VWF: variants seen among roughly 807,000 people sequenced by gnomAD.
VWF encodes von Willebrand factor.
In VWF, 176 loss-of-function variants were observed where a neutral mutation model predicts 308.6. The ratio of observed to expected loss-of-function variants is 0.57; its 90% CI spans 0.50 to 0.65. The LOEUF (loss-of-function observed/expected upper bound fraction) is 0.65, where lower values mean the gene tolerates loss of function less well. Ranked by LOEUF, VWF falls within the 30% of genes least tolerant of loss-of-function variation. VWF has a pLI of 0.00. For missense variants in VWF, 3,146 were observed against 3,648.2 expected, an observed-to-expected ratio of 0.86 and a Z score of 3.55; for synonymous variants, 1,385 against 1,443.4, an observed-to-expected ratio of 0.96 and a Z score of 0.92.
chr12:6,071,251 C>T (rs1944777303), intron 10 of VWF, 46 bp downstream of exon 10: 3 of 1,606,682 alleles, frequency 1.9e-6, no homozygotes, highest in Non-Finnish European at 8.5e-7. Flanking sequence ...GGAGACGCCT[C>T]CCCGATTCAG....
chr12:5,966,694 C>A lies in VWF; in HGVS notation c.7887+792G>T, dbSNP rs139422983. 2.1e-3 allele frequency among the ~76,000 whole-genome samples: 314 copies of A among 151,690 alleles called. 3 individuals carry two copies. Among genetic ancestry groups the A allele is most frequent in the African/African-American group, 7.3e-3 (300 of 41,350 alleles). ...ACCGAGCTGAGGGAGACAAGCACTT[C>A]CCTGTACCCTCTGAGAAAGCCATCG... is the stretch of plus-strand genomic sequence containing the variant. On this transcript the variant is annotated intron_variant, in intron 47 of 51. Coordinates refer to ENST00000261405, the MANE Select transcript of VWF (RefSeq NM_000552.5).
chr12:5,981,933 C>T lies in VWF; in HGVS notation c.7140G>A (p.Leu2380=). 2.0e-6 allele frequency: 2 copies of T among 993,922 alleles called. No homozygotes were observed. The highest frequency in any genetic ancestry group is 3.0e-6 in the Non-Finnish European group (2 of 666,662). The allele number at this position is 993,922 out of a possible 1,614,324, so 61.6% of individuals were successfully genotyped here. A position where few individuals can be genotyped will look rare whatever the true frequency, so the allele number is the denominator to read the frequency against. The part of the protein sequence containing the change: ...VSPPSCPPHR[L]PTLRKTQCCD... ...AGCACTGGGTCTTCCGAAGGGTGGG[C>T]AAACGGTGCGGGGGGCAGGAGGGTG... is the stretch of plus-strand genomic sequence containing the variant. The change falls in exon 42 of 52, where the codon TTG becomes TTA. Residue 2380 remains leucine, a synonymous_variant. Transcript: ENST00000261405.
chr12:6,104,444 T>C (rs1466365013), intron 5 of VWF, among the ~76,000 whole-genome samples: 1 of 151,208 alleles, frequency 6.6e-6, no homozygotes, highest in Admixed American at 6.6e-5. Context: ...TCCCAGCACT[T>C]TGGGAGGCTG....
intron 5 of VWF, among the ~76,000 whole-genome samples, chr12:6,106,236 C>T (rs1945242395): frequency 6.6e-6 from 1 of 152,042 alleles, no homozygotes; most frequent in African/African-American, 2.4e-5. Context: ...TCCTCTGATA[C>T]AATGGAATAT....
chr12:6,042,102 T>G (rs1342926441), intron 18 of VWF, among the ~76,000 whole-genome samples: 1 of 152,196 alleles, frequency 6.6e-6, no homozygotes, highest in Non-Finnish European at 1.5e-5. Context: ...TGACTGGGCT[T>G]CCGGTAAAGA....
chr12:6,104,497 C>A (rs1338514540), intron 5 of VWF, among the ~76,000 whole-genome samples: 2 of 151,628 alleles, frequency 1.3e-5, no homozygotes, highest in Non-Finnish European at 2.9e-5. Flanking sequence ...ACCAGCCTGG[C>A]CAACATGGTG....
chr12:6,108,266 C>T (rs566720804), intron 5 of VWF, among the ~76,000 whole-genome samples: 2 of 147,938 alleles, frequency 1.4e-5, no homozygotes, highest in East Asian at 2.0e-4. Flanking sequence ...TGCAATCCGG[C>T]CTGGGTGACA....
At position 6,005,187 on chromosome 12, in the gene VWF, C is replaced by A. The variant is rs183081463; in HGVS notation, c.5842+6430G>T. ...AAACATACCATAAAGCCTTTAATGACAAAATATTAGAGGTATTTCCTCTTA... is the reference window on the plus strand; with the variant it reads ...AAACATACCATAAAGCCTTTAATGAAAAAATATTAGAGGTATTTCCTCTTA... On this transcript the variant is annotated intron_variant, in intron 34 of 51. Coordinates refer to ENST00000261405, the MANE Select transcript of VWF (RefSeq NM_000552.5). Among the ~76,000 whole-genome samples the A allele has an allele frequency of 1.5e-3, 235 of 152,120 alleles. 2 individuals are homozygous for A. Among genetic ancestry groups the A allele is most frequent in the Middle Eastern group, 6.8e-3 (2 of 294 alleles).
At chr12:6,094,885 T>C (rs1945089064) in intron 6 of VWF, among the ~76,000 whole-genome samples, 1 of 145,122 alleles carries the variant, frequency 6.9e-6, no homozygotes, top group Non-Finnish European at 1.5e-5. Flanking sequence ...GCTAATTTTT[T>C]TTTTTTTTTT....
Position 6,016,751 on chromosome 12 carries a change from C to T in VWF, c.5170+3G>A, listed in dbSNP as rs550242545. 1.1e-4 allele frequency: 176 copies of T among 1,614,218 alleles called. No homozygotes were observed. The East Asian group carries it at 3.9e-3, about 36-fold the overall frequency. On this transcript the variant is annotated splice_donor_region_variant and intron_variant, in intron 29 of 51. Transcript: ENST00000261405. ...TGCTGCTTCAGGTGCCTCGCTCACC[C>T]ACCTATATTGGCTTTTGAAATGAAA... is the stretch of plus-strand genomic sequence containing the variant.
At chr12:5,960,246 T>C (rs1025798549) in intron 47 of VWF, among the ~76,000 whole-genome samples, 2 of 151,882 alleles carry the variant, frequency 1.3e-5, no homozygotes, top group Non-Finnish European at 1.5e-5. Context: ...CAACTTTGTG[T>C]AACTAAATTT....
rs145676400 is a variant in VWF at position 6,018,512 on chromosome 12, C to T, written c.4906G>A (p.Val1636Met). The change falls in exon 28 of 52, where the codon GTG becomes ATG. Residue 1636 changes from valine (V) to methionine (M), a missense_variant. Physicochemically the swap from Val to Met is conservative, Grantham distance 21. Coordinates refer to ENST00000261405, the MANE Select transcript of VWF (RefSeq NM_000552.5). ...CAGCCAATCCTCTCCAGCTCCTGCACGTTGGCATTAGGGCCCACTCCAATG... is the reference window on the plus strand; with the variant it reads ...CAGCCAATCCTCTCCAGCTCCTGCATGTTGGCATTAGGGCCCACTCCAATG... ...VPIGVGPNAN[V>M]QELERIGWPN... 5.0e-5 allele frequency: 80 copies of T among 1,613,814 alleles called. No individual in the cohort carries two copies. Among genetic ancestry groups the T allele is most frequent in the African/African-American group, 4.4e-4 (33 of 74,910 alleles).
chr12:6,110,827 TC>T, intron 4 of VWF, 38 bp downstream of exon 4: 1 of 1,592,724 alleles, frequency 6.3e-7, no homozygotes, highest in East Asian at 2.2e-5. Context: ...TGTCAGGGGA[TC>T]CCTAGGGTCC....
chr12:6,105,839 C>A (rs970865813), intron 5 of VWF, among the ~76,000 whole-genome samples: 2 of 151,518 alleles, frequency 1.3e-5, no homozygotes, highest in African/African-American at 2.4e-5. Flanking sequence ...GATGGAGACC[C>A]TCCTGGCCAA....
Position 6,046,713 on chromosome 12 carries a change from C to T in VWF, c.2281+10G>A. The T allele has an allele frequency of 6.2e-7, 1 of 1,613,696 alleles. No homozygotes were observed. Among genetic ancestry groups the T allele is most frequent in the Non-Finnish European group, 8.5e-7 (1 of 1,179,676 alleles). ...GGAGTCAATGGGCCTTCCAGGGGGA[C>T]AGTACTCACTGCGATGAGACAGGGG... On this transcript the variant is annotated intron_variant, in intron 17 of 51. Transcript: ENST00000261405. This position sits in a 1 kb window ranked among gnomAD's most constrained non-coding sequence, Gnocchi z 5.0.
intron 6 of VWF, among the ~76,000 whole-genome samples, chr12:6,092,628 T>TGAGAGTCAGAGAGAGAGAGA (rs1565386731): frequency 5.0e-5 from 4 of 80,192 alleles, no homozygotes; most frequent in African/African-American, 3.0e-4. Flanking sequence ...AGTGTGTGTG[T>TGAGAGTCAGAGAGAGAGAGA]GTGTGTGTGT....
rs1335545987 is a variant in VWF at position 6,115,902 on chromosome 12, G to A, written c.221-4934C>T. On this transcript the variant is annotated intron_variant, in intron 3 of 51. Transcript: ENST00000261405. ...AACCCCTGGTTTCCACTGTGGAAAT[G>A]GAGCAGAGCCTACACTCAGGCTTTT... is the stretch of plus-strand genomic sequence containing the variant. 2.0e-5 allele frequency among the ~76,000 whole-genome samples: 3 copies of A among 151,990 alleles called. No homozygotes were observed. In the East Asian group the frequency reaches 5.8e-4, roughly 29 times the overall value.
chr12:6,119,633 G>T (rs951643474), intron 3 of VWF, among the ~76,000 whole-genome samples: 1 of 152,144 alleles, frequency 6.6e-6, no homozygotes, highest in Non-Finnish European at 1.5e-5. Flanking sequence ...ATCACCTGAG[G>T]TCAGGAGTTC....
chr12:6,027,813 T>C (rs559077579), intron 22 of VWF, among the ~76,000 whole-genome samples: 7 of 150,556 alleles, frequency 4.6e-5, no homozygotes, highest in Admixed American at 2.0e-4. Context: ...TGATTTGTTA[T>C]AGCAGCAATA....
Sources: allele counts gnomAD v4.1 joint callset (sites outside exome capture counted in the v4.1 genomes callset), GRCh38; gene constraint gnomAD v4.1.1; non-coding constraint Gnocchi (gnomAD v3.1); transcripts MANE v1.5; gene names NCBI Gene and HGNC (gene_info 2026-07-23, HGNC 2026-07-21).